PGM3: variants seen among roughly 807,000 people sequenced by gnomAD.
PGM3 encodes phosphoglucomutase 3.
Under a neutral mutation model 66.2 loss-of-function variants are expected in PGM3, and 40 were observed. That is an observed-to-expected ratio of 0.60 (90% CI 0.47 to 0.79). The LOEUF (loss-of-function observed/expected upper bound fraction) is 0.79, where lower values mean the gene tolerates loss of function less well. Among genes scored for constraint, PGM3 ranks in the 30% least tolerant of loss-of-function variants. The pLI, the probability that PGM3 is intolerant of heterozygous loss-of-function variation, is 0.00. For synonymous variants in PGM3, 191 were observed against 224.2 expected, an observed-to-expected ratio of 0.85 and a Z score of 1.32; for missense variants, 537 against 643.4, an observed-to-expected ratio of 0.83 and a Z score of 1.79.
Position 83,188,615 on chromosome 6 carries a change from T to G in PGM3, c.388A>C (p.Arg130=). 1 of 1,608,084 alleles carries G rather than the reference T, an allele frequency of 6.2e-7. No individual in the cohort carries two copies. Among genetic ancestry groups the G allele is most frequent in the Non-Finnish European group, 8.5e-7 (1 of 1,174,844 alleles). ...DAFVVIGRDT[R]PSSEKLSQSV... is the part of the protein sequence containing the mutation. ...TTTACCAGTAACTCTTATCATCACCTGGTATCTCTACCAATAACTACAAAG... is the reference window on the plus strand; with the variant it reads ...TTTACCAGTAACTCTTATCATCACCGGGTATCTCTACCAATAACTACAAAG... Residue 130 remains arginine, a splice_region_variant and synonymous_variant, in exon 3 of 13, where the codon AGG becomes CGG. Coordinates refer to ENST00000513973, the MANE Select transcript of PGM3 (RefSeq NM_015599.3).
the PGM3 span, chr6:83,153,738 A>G: frequency 8.6e-7 from 1 of 1,164,052 alleles, no homozygotes; most frequent in East Asian, 2.7e-5. Flanking sequence ...CTTGAATTAT[A>G]ATTGTTTAAA....
At chr6:83,157,328 T>C (rs755288524), downstream of PGM3, 4 of 1,611,896 alleles carry the variant, frequency 2.5e-6, no homozygotes, top group Non-Finnish European at 3.4e-6. Context: ...TGTGAGTTAA[T>C]TTTAATTCAG....
At chr6:83,163,124 C>T (rs766967956), downstream of PGM3, among the ~76,000 whole-genome samples, 1 of 151,928 alleles carries the variant, frequency 6.6e-6, no homozygotes, top group African/African-American at 2.4e-5. Flanking sequence ...AAGGAATATG[C>T]GGTTATTCAT....
chr6:83,181,867 A>G lies in PGM3; in HGVS notation c.656T>C (p.Leu219Pro). The G allele has an allele frequency of 2.5e-6, 4 of 1,613,970 alleles. No homozygotes were observed. Among genetic ancestry groups the G allele is most frequent in the Non-Finnish European group, 2.5e-6 (3 of 1,179,870 alleles). Residue 219 changes from leucine to proline, a missense_variant, in exon 6 of 13, where the codon CTG becomes CCG. Coordinates refer to ENST00000513973, the MANE Select transcript of PGM3 (RefSeq NM_015599.3). Reference sequence around the variant, plus strand: ...GTAGTGTTCCATTTCCCTTAGCTTCAGGGCCCCTATGCCATTTGCACAGTC... The same window carrying G: ...GTAGTGTTCCATTTCCCTTAGCTTCGGGGCCCCTATGCCATTTGCACAGTC... ...KVDCANGIGA[L>P]KLREMEHYFS...
At chr6:83,190,542 A>G (rs533050732) in intron 2 of PGM3, 2 of 456,508 alleles carry the variant, frequency 4.4e-6, no homozygotes, top group Admixed American at 3.9e-5. Flanking sequence ...AATGTCTTAA[A>G]TCAATAAATT....
At chr6:83,152,196 C>G in the PGM3 span, 1 of 698,920 alleles carries the variant, frequency 1.4e-6, no homozygotes, top group East Asian at 3.3e-5. Flanking sequence ...TATATATATA[C>G]ATATATAAAA....
At chr6:83,176,944 C>T (rs984268620) in intron 8 of PGM3, among the ~76,000 whole-genome samples, 4 of 152,174 alleles carry the variant, frequency 2.6e-5, no homozygotes, top group African/African-American at 9.7e-5. Context: ...CAGATGGAAT[C>T]CCTTGAATGA....
chr6:83,153,475 C>T, the PGM3 span: 1 of 1,404,798 alleles, frequency 7.1e-7, no homozygotes, highest in East Asian at 2.4e-5. Flanking sequence ...TCAGTTTCAC[C>T]TCATATGTTA....
the PGM3 span, chr6:83,153,697 T>C: frequency 3.3e-5 from 42 of 1,273,272 alleles, no homozygotes; most frequent in Non-Finnish European, 4.3e-5. Flanking sequence ...TTATTGCCAT[T>C]TCTAGAATTA....
Position 83,168,789 on chromosome 6 carries a change from G to A in PGM3, c.*445C>T. On this transcript the variant is annotated 3_prime_UTR_variant, in exon 13 of 13. Transcript: ENST00000513973. The stretch of plus-strand genomic sequence containing the variant: ...ATCTAATAATCTTTCTTAAGACTCT[G>A]CAATGGAAAAACTGGTTGTATAAAG... The A allele has an allele frequency of 3.0e-6, 3 of 1,007,682 alleles. No individual in the cohort carries two copies. Among genetic ancestry groups the A allele is most frequent in the Non-Finnish European group, 3.6e-6 (3 of 842,302 alleles). 62.4% of individuals were successfully genotyped at this position (1,007,682 alleles called of 1,614,324 possible). A position where few individuals can be genotyped will look rare whatever the true frequency, so the allele number is the denominator to read the frequency against.
chr6:83,186,047 C>T (rs936358253), intron 4 of PGM3, among the ~76,000 whole-genome samples: 2 of 152,098 alleles, frequency 1.3e-5, no homozygotes, highest in African/African-American at 4.8e-5. Flanking sequence ...TAGATCACAG[C>T]CCCCTCTGAG....
At position 83,166,736 on chromosome 6, in the gene PGM3, C is replaced by A; in HGVS notation, c.*2498G>T. The A allele has an allele frequency of 8.7e-7, 1 of 1,150,764 alleles. No homozygotes were observed. 71.3% of individuals were successfully genotyped at this position (1,150,764 alleles called of 1,614,324 possible). A position where few individuals can be genotyped will look rare whatever the true frequency, so the allele number is the denominator to read the frequency against. The stretch of plus-strand genomic sequence containing the variant: ...TTAAAATAAGCAATAAGCTTGAGAG[C>A]ACATAGAAGAAAATAAGCTGGATTT... On this transcript the variant is annotated 3_prime_UTR_variant, in exon 13 of 13. Transcript: ENST00000513973.
rs1786313200 is a variant in PGM3 at position 83,168,166 on chromosome 6, G to A, written c.*1068C>T. Reference sequence around the variant, plus strand: ...TTTCTGGAAGGGATGATAAAAACTTGAGCACCATTGCTGGTTCCATTTAGC... The same window carrying A: ...TTTCTGGAAGGGATGATAAAAACTTAAGCACCATTGCTGGTTCCATTTAGC... On this transcript the variant is annotated 3_prime_UTR_variant, in exon 13 of 13. Coordinates refer to ENST00000513973, the MANE Select transcript of PGM3 (RefSeq NM_015599.3). The A allele has an allele frequency of 6.2e-7, 1 of 1,610,836 alleles. No individual in the cohort carries two copies. Among genetic ancestry groups the A allele is most frequent in the African/African-American group, 1.3e-5 (1 of 74,740 alleles).
rs140499200 is a variant in PGM3 at position 83,188,678 on chromosome 6, T to C, written c.325A>G (p.Ile109Val). 9 of 1,614,018 alleles carry C rather than the reference T, an allele frequency of 5.6e-6. No individual in the cohort carries two copies. Among genetic ancestry groups the C allele is most frequent in the Non-Finnish European group, 7.6e-6 (9 of 1,179,860 alleles). The stretch of plus-strand genomic sequence containing the variant: ...AGATTCACAGCTTCTTTCTCGCTGA[T>C]GTCAATAAGCACTCTCTGCATATCT... ...EQDMQRVLID[I>V]SEKEAVNLQQ... Residue 109 changes from isoleucine to valine, a missense_variant, in exon 3 of 13, where the codon ATC (isoleucine) becomes GTC (valine). Physicochemically the swap from Ile to Val is conservative, Grantham distance 29. Transcript: ENST00000513973.
chr6:83,177,929 C>A (rs553180996), intron 8 of PGM3, among the ~76,000 whole-genome samples: 2 of 152,146 alleles, frequency 1.3e-5, no homozygotes, highest in East Asian at 1.9e-4. Context: ...GACCACCCCC[C>A]ACACACCCTG....
downstream of PGM3, chr6:83,158,503 A>T: frequency 8.1e-7 from 1 of 1,239,372 alleles, no homozygotes; most frequent in Non-Finnish European, 1.2e-6. Context: ...AATACAACTT[A>T]AAGATAACTT....
chr6:83,169,429 AT>A, intron 12 of PGM3, 106 bp from the exon 13 acceptor site: 4 of 1,310,142 alleles, frequency 3.1e-6, no homozygotes, highest in Non-Finnish European at 4.2e-6. Flanking sequence ...GTGATTCTTG[AT>A]TTTGTTTCAC....
chr6:83,167,355 G>C lies in PGM3; in HGVS notation c.*1879C>G, dbSNP rs1184951585. The C allele has an allele frequency of 2.0e-6, 2 of 985,268 alleles. No homozygotes were observed. The highest frequency in any genetic ancestry group is 3.5e-5 in the African/African-American group (2 of 57,342). The allele number at this position is 985,268 out of a possible 1,614,324, so 61.0% of individuals were successfully genotyped here. A position where few individuals can be genotyped will look rare whatever the true frequency, so the allele number is the denominator to read the frequency against. On this transcript the variant is annotated 3_prime_UTR_variant, in exon 13 of 13. Coordinates refer to ENST00000513973, the MANE Select transcript of PGM3 (RefSeq NM_015599.3). ...CTTTCTCTGTGATGCAGTACTGACAGTAATTATTCACTTTGGACACTGCTA... is the reference window on the plus strand; with the variant it reads ...CTTTCTCTGTGATGCAGTACTGACACTAATTATTCACTTTGGACACTGCTA...
chr6:83,193,208 G>A lies in PGM3; in HGVS notation c.-32C>T, dbSNP rs1023753551. 2 of 152,180 alleles carry A rather than the reference G, an allele frequency of 1.3e-5. No homozygotes were observed. The highest frequency in any genetic ancestry group is 2.9e-5 in the Non-Finnish European group (2 of 68,092). 9.4% of individuals were successfully genotyped at this position (152,180 alleles called of 1,614,324 possible). A position where few individuals can be genotyped will look rare whatever the true frequency, so the allele number is the denominator to read the frequency against. ...GTCAGGAAGCCCCCTTCACCTACACGCAGCGGAGAAGCGCCCAAGCAACAA... is the reference window on the plus strand; with the variant it reads ...GTCAGGAAGCCCCCTTCACCTACACACAGCGGAGAAGCGCCCAAGCAACAA... On this transcript the variant is annotated 5_prime_UTR_variant, in exon 1 of 13. Transcript: ENST00000513973.
Sources: allele counts gnomAD v4.1 joint callset (sites outside exome capture counted in the v4.1 genomes callset), GRCh38; gene constraint gnomAD v4.1.1; transcripts MANE v1.5; gene names NCBI Gene and HGNC (gene_info 2026-07-23, HGNC 2026-07-21).